Variants in SERPINB12 observed in about 807,000 individuals in gnomAD.
SERPINB12 encodes serpin family B member 12.
Under a neutral mutation model 41.1 loss-of-function variants are expected in SERPINB12, and 57 were observed. That is an observed-to-expected ratio of 1.39 (90% CI 1.12 to 1.73). The LOEUF (loss-of-function observed/expected upper bound fraction) is 1.73. SERPINB12 is among the 40% of genes most tolerant of loss of function. SERPINB12 has a pLI of 0.00. For synonymous variants in SERPINB12, 180 were observed against 181.3 expected (o/e 0.99, Z 0.06); for missense variants, 536 against 501.9 (o/e 1.07, Z -0.65).
At chr18:63,535,852 C>CAT in the SERPINB12 span, among the ~76,000 whole-genome samples, 1 of 152,002 alleles carries the variant, frequency 6.6e-6, no homozygotes, top group African/African-American at 2.4e-5. Flanking sequence ...TACACACACA[C>CAT]ATATATACAC....
the SERPINB12 span, among the ~76,000 whole-genome samples, chr18:63,533,604 G>A: frequency 6.6e-6 from 1 of 152,180 alleles, no homozygotes; most frequent in African/African-American, 2.4e-5. Context: ...CCTCCTGACT[G>A]TAATGAATAG....
the SERPINB12 span, among the ~76,000 whole-genome samples, chr18:63,524,105 T>C: frequency 6.6e-6 from 1 of 151,886 alleles, no homozygotes; most frequent in Admixed American, 6.6e-5. Flanking sequence ...TGAAAAAAAT[T>C]CAGAATTAAA....
intron 1 of SERPINB12, among the ~76,000 whole-genome samples, chr18:63,543,766 G>A (rs528929010): frequency 9.2e-5 from 14 of 151,660 alleles, no homozygotes; most frequent in Non-Finnish European, 1.8e-4. Flanking sequence ...ACAGGCGTGC[G>A]CCACGACACC....
intron 4 of SERPINB12, 33 bp from the exon 5 acceptor site, chr18:63,561,052 T>C (rs200992835): frequency 2.9e-6 from 4 of 1,385,800 alleles, no homozygotes; most frequent in Non-Finnish European, 4.1e-6. Flanking sequence ...CCTGACTTTA[T>C]TGCATTATTT....
the SERPINB12 span, among the ~76,000 whole-genome samples, chr18:63,526,518 T>C: frequency 6.6e-6 from 1 of 152,216 alleles, no homozygotes; most frequent in African/African-American, 2.4e-5. Flanking sequence ...CAGTAAAATA[T>C]AGTAAAATAA....
At chr18:63,545,420 C>A (rs1223023575) in intron 1 of SERPINB12, among the ~76,000 whole-genome samples, 2 of 152,104 alleles carry the variant, frequency 1.3e-5, no homozygotes, top group Non-Finnish European at 2.9e-5. Flanking sequence ...TTCTCATCCC[C>A]TTGTTAGTGA....
chr18:63,554,938 A>C (rs1910627189), intron 1 of SERPINB12, among the ~76,000 whole-genome samples: 1 of 152,062 alleles, frequency 6.6e-6, no homozygotes, highest in Admixed American at 6.5e-5. Flanking sequence ...ATGGTTTTAT[A>C]AGTGTTTGGC....
At chr18:63,532,473 G>A in the SERPINB12 span, among the ~76,000 whole-genome samples, 2 of 152,154 alleles carry the variant, frequency 1.3e-5, no homozygotes, top group South Asian at 2.1e-4. Flanking sequence ...TTGGGGGTTT[G>A]GGGTACAGCA....
chr18:63,541,406 G>A (rs1910270519), upstream of SERPINB12, among the ~76,000 whole-genome samples: 1 of 152,126 alleles, frequency 6.6e-6, no homozygotes, highest in Non-Finnish European at 1.5e-5. Context: ...GATTTTGAGT[G>A]TACTGTCCTA....
At chr18:63,551,050 A>G (rs941768692) in intron 1 of SERPINB12, among the ~76,000 whole-genome samples, 3 of 152,078 alleles carry the variant, frequency 2.0e-5, no homozygotes, top group Non-Finnish European at 4.4e-5. Context: ...TGGGCAGATC[A>G]CGAGGTCAGG....
At position 63,567,105 on chromosome 18, in the gene SERPINB12, C is replaced by G. The variant is rs1568134175; in HGVS notation, c.*94C>G. On this transcript the variant is annotated 3_prime_UTR_variant, in exon 8 of 8. Coordinates refer to ENST00000382768, the MANE Select transcript of SERPINB12 (RefSeq NM_001307928.2). ...TGGGCATTTGAGTTTTTGGTAATATCTAAAGCATCTCCTTCATCCTCCAGC... is the reference window on the plus strand; with the variant it reads ...TGGGCATTTGAGTTTTTGGTAATATGTAAAGCATCTCCTTCATCCTCCAGC... 8.4e-7 allele frequency: 1 copy of G among 1,194,740 alleles called. No individual in the cohort carries two copies. The highest frequency in any genetic ancestry group is 2.4e-5 in the East Asian group (1 of 42,084). The allele number at this position is 1,194,740 out of a possible 1,614,324, so 74.0% of individuals were successfully genotyped here. A position where few individuals can be genotyped will look rare whatever the true frequency, so the allele number is the denominator to read the frequency against.
upstream of SERPINB12, among the ~76,000 whole-genome samples, chr18:63,538,093 T>A (rs1910208773): frequency 6.6e-6 from 1 of 152,152 alleles, no homozygotes; most frequent in Non-Finnish European, 1.5e-5. Context: ...GGAAATAAGA[T>A]ATGAAAGTAT....
Position 63,559,692 on chromosome 18 carries a change from G to T in SERPINB12, c.418G>T (p.Gly140Ter), listed in dbSNP as rs1313113819. The T allele has an allele frequency of 6.2e-7, 1 of 1,614,064 alleles. No homozygotes were observed. Among genetic ancestry groups the T allele is most frequent in the East Asian group, 2.2e-5 (1 of 44,878 alleles). ...ACTGAGTATTGCCAACAGGCTTTAT[G>T]GAGAGCAGGAATTCCCAATCTGTCA... ...YTLSIANRLY[G>*]EQEFPICQEY... Residue 140 changes from glycine to a stop codon, truncating the protein, a stop_gained, in exon 4 of 8, where the codon GGA becomes TGA. Coordinates refer to ENST00000382768, the MANE Select transcript of SERPINB12 (RefSeq NM_001307928.2). LOFTEE classifies it high-confidence loss of function.
chr18:63,547,269 A>G (rs1332194383), intron 1 of SERPINB12, among the ~76,000 whole-genome samples: 1 of 152,094 alleles, frequency 6.6e-6, no homozygotes, highest in African/African-American at 2.4e-5. Context: ...CATACTTGAC[A>G]TATTGTATTT....
Position 63,559,716 on chromosome 18 carries a change from CA to C in SERPINB12, c.443del (p.Gln148ArgfsTer4). 6.2e-7 allele frequency: 1 copy of C among 1,613,966 alleles called. No homozygotes were observed. Among genetic ancestry groups the C allele is most frequent in the South Asian group, 1.1e-5 (1 of 91,032 alleles). Reference protein sequence around the residue: ...LYGEQEFPICQEYLDGVIQFY... With the variant: ...LYGEQEFPICXEYLDGVIQFY... ...TGGAGAGCAGGAATTCCCAATCTGT[CA>C]GGTGAGTTGCACACGAATGGTGACT... On this transcript the variant is annotated frameshift_variant and splice_region_variant, in exon 4 of 8. Transcript: ENST00000382768. LOFTEE classifies it high-confidence loss of function.
chr18:63,522,720 A>G, the SERPINB12 span, among the ~76,000 whole-genome samples: 2 of 152,182 alleles, frequency 1.3e-5, no homozygotes, highest in African/African-American at 4.8e-5. Context: ...TACTGGTTAG[A>G]ATCTTTGCCA....
the SERPINB12 span, among the ~76,000 whole-genome samples, chr18:63,531,814 G>T: frequency 2.0e-5 from 3 of 151,964 alleles, no homozygotes; most frequent in Admixed American, 1.3e-4. Context: ...TCTGTGATTT[G>T]GGGAAATGCT....
At chr18:63,519,875 A>G in the SERPINB12 span, among the ~76,000 whole-genome samples, 1 of 152,208 alleles carries the variant, frequency 6.6e-6, no homozygotes, top group Non-Finnish European at 1.5e-5. Context: ...GTATTTTGAA[A>G]TAAGCATCAC....
chr18:63,542,325 G>T (rs558076263), upstream of SERPINB12, among the ~76,000 whole-genome samples: 2 of 152,174 alleles, frequency 1.3e-5, no homozygotes, highest in Admixed American at 6.5e-5. Flanking sequence ...TAATTGTCCT[G>T]ATTCACAAAC....
Sources: allele counts gnomAD v4.1 joint callset (sites outside exome capture counted in the v4.1 genomes callset), GRCh38; gene constraint gnomAD v4.1.1; transcripts MANE v1.5; gene names NCBI Gene and HGNC (gene_info 2026-07-23, HGNC 2026-07-21).